TBX18: variants seen among roughly 807,000 people sequenced by gnomAD.
TBX18 encodes the protein T-box transcription factor 18.
A neutral mutation model predicts 55.0 loss-of-function variants in TBX18; 21 were observed. The observed-to-expected ratio is 0.38, with a 90% confidence interval of 0.27 to 0.55. TBX18 has a LOEUF of 0.55. Among genes scored for constraint, TBX18 ranks in the 20% least tolerant of loss-of-function variants. TBX18 has a pLI of 0.73. For synonymous variants in TBX18, 342 were observed against 326.1 expected, an observed-to-expected ratio of 1.05 and a Z score of -0.53; for missense variants, 840 against 799.6, an observed-to-expected ratio of 1.05 and a Z score of -0.61.
At chr6:84,744,640 T>C (rs1340125307) in intron 5 of TBX18, among the ~76,000 whole-genome samples, 1 of 152,160 alleles carries the variant, frequency 6.6e-6, no homozygotes, top group East Asian at 1.9e-4. Context: ...TGCCCTATAA[T>C]TGACAATTCC....
intron 4 of TBX18, among the ~76,000 whole-genome samples, chr6:84,752,040 T>A (rs556413552): frequency 1.3e-5 from 2 of 152,332 alleles, no homozygotes; most frequent in African/African-American, 4.8e-5. Context: ...TGATGTGTAA[T>A]GTTCAGTGCT....
intron 3 of TBX18, among the ~76,000 whole-genome samples, chr6:84,758,100 G>A (rs923837674): frequency 6.6e-6 from 1 of 151,982 alleles, no homozygotes; most frequent in African/African-American, 2.4e-5. Context: ...TAAAATTAGG[G>A]ATAGTCTTTC....
intron 2 of TBX18, among the ~76,000 whole-genome samples, chr6:84,760,764 A>C (rs961848614): frequency 5.3e-5 from 8 of 152,240 alleles, no homozygotes; most frequent in African/African-American, 1.9e-4. Context: ...ATACATTATA[A>C]TGTGAAATTT....
chr6:84,762,911 C>T (rs1270499601), intron 1 of TBX18, 163 bp from the exon 2 acceptor site: 11 of 660,474 alleles, frequency 1.7e-5, no homozygotes, highest in Non-Finnish European at 2.9e-5. Flanking sequence ...AGTCGATAGA[C>T]ACCCACATTC....
intron 4 of TBX18, among the ~76,000 whole-genome samples, chr6:84,754,413 A>T (rs541265340): frequency 6.6e-6 from 1 of 152,332 alleles, no homozygotes; most frequent in South Asian, 2.1e-4. Flanking sequence ...GTACAAGTAC[A>T]TCTCTCTCCC....
Position 84,737,119 on chromosome 6 carries a change from T to A in TBX18, c.1390A>T (p.Thr464Ser). The A allele has an allele frequency of 6.2e-7, 1 of 1,614,014 alleles. No individual in the cohort carries two copies. The highest frequency in any genetic ancestry group is 8.5e-7 in the Non-Finnish European group (1 of 1,179,988). Residue 464 changes from threonine to serine, a missense_variant, in exon 8 of 8, where the codon ACC (threonine) becomes TCC (serine). Physicochemically the swap from Thr to Ser is moderately conservative, Grantham distance 58. Transcript: ENST00000369663. Reference sequence around the variant, plus strand: ...CCACCCATGGACATGTTCACGGAGGTGCTGCTGCTCACGCCCACATAGGAG... The same window carrying A: ...CCACCCATGGACATGTTCACGGAGGAGCTGCTGCTCACGCCCACATAGGAG... The part of the protein sequence containing the change: ...TPSYVGVSSS[T>S]SVNMSMGGTD...
intron 6 of TBX18, among the ~76,000 whole-genome samples, chr6:84,743,285 G>A (rs1318446821): frequency 6.6e-6 from 1 of 152,154 alleles, no homozygotes; most frequent in Non-Finnish European, 1.5e-5. Flanking sequence ...GCAAGAACTT[G>A]AGTGTATTCT....
rs797045022 is a variant in TBX18 at position 84,762,554 on chromosome 6, T to C, written c.487A>G (p.Lys163Glu). Residue 163 changes from lysine to glutamate, a missense_variant, in exon 2 of 8, where the codon AAG becomes GAG. Physicochemically the swap from Lys to Glu is moderately conservative, Grantham distance 56 (BLOSUM62 1). Coordinates refer to ENST00000369663, the MANE Select transcript of TBX18 (RefSeq NM_001080508.3). ...CAGCTTGCCCATTACCTGCCGGCCTTGGTGATGATCATCTCAGTGCCTATC... is the reference window on the plus strand; with the variant it reads ...CAGCTTGCCCATTACCTGCCGGCCTCGGTGATGATCATCTCAGTGCCTATC... ...HEIGTEMIIT[K>E]AGRRMFPAMR... 1 of 1,613,876 alleles carries C rather than the reference T, an allele frequency of 6.2e-7. No homozygotes were observed. The highest frequency in any genetic ancestry group is 1.3e-5 in the African/African-American group (1 of 74,934).
chr6:84,756,731 C>T lies in TBX18; in HGVS notation c.738G>A (p.Lys246=), dbSNP rs1275113895. 1.2e-5 allele frequency: 19 copies of T among 1,613,978 alleles called. No homozygotes were observed. The highest frequency in any genetic ancestry group is 1.6e-5 in the Non-Finnish European group (19 of 1,180,026). ...GGTCATCCAGTTCATTGTTGGTGAGCTTCAGCTTGTCGAAGCTGATAACTT... is the reference window on the plus strand; with the variant it reads ...GGTCATCCAGTTCATTGTTGGTGAGTTTCAGCTTGTCGAAGCTGATAACTT... ...MRQVISFDKL[K]LTNNELDDQG... Residue 246 remains lysine, a synonymous_variant, in exon 4 of 8, where the codon AAG becomes AAA. Coordinates refer to ENST00000369663, the MANE Select transcript of TBX18 (RefSeq NM_001080508.3).
intron 5 of TBX18, among the ~76,000 whole-genome samples, chr6:84,746,501 T>C (rs914273750): frequency 5.5e-5 from 8 of 146,716 alleles, no homozygotes; most frequent in African/African-American, 2.0e-4. Flanking sequence ...TATATTTATA[T>C]TGATATTTAT....
chr6:84,763,197 A>G (rs577089945), intron 1 of TBX18: 6 of 355,674 alleles, frequency 1.7e-5, no homozygotes, highest in South Asian at 1.3e-4. Flanking sequence ...TGGTCCCAAG[A>G]GCCTGGGCCT....
In TBX18 at chr6:84,762,534, T is replaced by C; in HGVS notation, c.497+10A>G. 1 of 1,613,970 alleles carries C rather than the reference T, an allele frequency of 6.2e-7. No individual in the cohort carries two copies. The highest frequency in any genetic ancestry group is 1.1e-5 in the South Asian group (1 of 91,080). On this transcript the variant is annotated intron_variant, in intron 2 of 7. Coordinates refer to ENST00000369663, the MANE Select transcript of TBX18 (RefSeq NM_001080508.3). ...GTAGGGAGGGGCGTCCACGCCAGCTTGCCCATTACCTGCCGGCCTTGGTGA... is the reference window on the plus strand; with the variant it reads ...GTAGGGAGGGGCGTCCACGCCAGCTCGCCCATTACCTGCCGGCCTTGGTGA...
At chr6:84,743,577 T>G (rs1157251918) in intron 6 of TBX18, among the ~76,000 whole-genome samples, 1 of 152,168 alleles carries the variant, frequency 6.6e-6, no homozygotes, top group Non-Finnish European at 1.5e-5. Context: ...TTACTAACAG[T>G]TACTTTAGAA....
intron 6 of TBX18, among the ~76,000 whole-genome samples, chr6:84,742,875 C>T (rs1000286895): frequency 6.6e-5 from 10 of 152,210 alleles, no homozygotes; most frequent in South Asian, 4.1e-4. Context: ...GGAGTCATCC[C>T]AAAGGTTCTC....
Position 84,738,489 on chromosome 6 carries a change from T to C in TBX18, c.1099+8A>G. ...TGTATATATGACCCAGGAGACTTTG[T>C]GAGTTACCTTGCTTGGGAATTCCAG... is the stretch of plus-strand genomic sequence containing the variant. On this transcript the variant is annotated splice_region_variant and intron_variant, in intron 7 of 7. Coordinates refer to ENST00000369663, the MANE Select transcript of TBX18 (RefSeq NM_001080508.3). 1 of 1,612,104 alleles carries C rather than the reference T, an allele frequency of 6.2e-7. No individual in the cohort carries two copies. Among genetic ancestry groups the C allele is most frequent in the South Asian group, 1.1e-5 (1 of 91,042 alleles).
intron 4 of TBX18, among the ~76,000 whole-genome samples, chr6:84,754,977 T>G (rs1190511900): frequency 6.6e-6 from 1 of 152,166 alleles, no homozygotes; most frequent in Non-Finnish European, 1.5e-5. Context: ...CTGGGTAAGC[T>G]CCTTAAAATA....
rs748043014 is a variant in TBX18, at chr6:84,736,707, T to C, written c.1802A>G (p.Gln601Arg). 8.9e-6 allele frequency: 14 copies of C among 1,581,318 alleles called. No individual in the cohort carries two copies. In the South Asian group the frequency reaches 1.1e-4, roughly 12 times the overall value. ...TCATCAGACCATATGTGCAGATACTTGAGATGATGACAGAGTTAAGCTTCC... is the reference window on the plus strand; with the variant it reads ...TCATCAGACCATATGTGCAGATACTCGAGATGATGACAGAGTTAAGCTTCC... ...TLGSLTLSSS[Q>R]VSAHMV Residue 601 changes from glutamine (Q) to arginine (R), a missense_variant, in exon 8 of 8, where the codon CAA becomes CGA. By Grantham distance (43) the Gln-to-Arg change is conservative. Coordinates refer to ENST00000369663, the MANE Select transcript of TBX18 (RefSeq NM_001080508.3).
intron 3 of TBX18, among the ~76,000 whole-genome samples, chr6:84,759,054 C>A (rs1767573896): frequency 1.3e-5 from 2 of 152,088 alleles, no homozygotes; most frequent in Admixed American, 1.3e-4. Context: ...ATTATATTAT[C>A]TTCCTCAGCA....
chr6:84,762,489 G>T, intron 2 of TBX18, 55 bp downstream of exon 2: 2 of 1,591,734 alleles, frequency 1.3e-6, no homozygotes, highest in South Asian at 1.1e-5. Flanking sequence ...AGCTAGAGGT[G>T]AGTGAAGACA....
Sources: allele counts gnomAD v4.1 joint callset (sites outside exome capture counted in the v4.1 genomes callset), GRCh38; gene constraint gnomAD v4.1.1; transcripts MANE v1.5; gene names NCBI Gene and HGNC (gene_info 2026-07-23, HGNC 2026-07-21).